Variants in SLC2A13 observed in about 807,000 individuals in gnomAD.
The protein encoded by SLC2A13 is solute carrier family 2 member 13.
In SLC2A13, 32 loss-of-function variants were observed where a neutral mutation model predicts 64.4. That is an observed-to-expected ratio of 0.50 (90% CI 0.37 to 0.67). SLC2A13 has a LOEUF of 0.67. Ranked by LOEUF, SLC2A13 falls within the 30% of genes least tolerant of loss-of-function variation. SLC2A13 has a pLI of 0.00. For missense variants in SLC2A13, 743 were observed against 829.2 expected (o/e 0.90, Z 1.28); for synonymous variants, 338 against 327.1 (o/e 1.03, Z -0.36).
At chr12:39,924,942 A>T (rs958928617) in intron 4 of SLC2A13, among the ~76,000 whole-genome samples, 1 of 151,980 alleles carries the variant, frequency 6.6e-6, no homozygotes, top group Non-Finnish European at 1.5e-5. Flanking sequence ...TTTCTTCAAC[A>T]TTTATTTATA....
intron 3 of SLC2A13, among the ~76,000 whole-genome samples, chr12:39,958,126 T>C (rs756026594): frequency 6.6e-6 from 1 of 152,196 alleles, no homozygotes; most frequent in Non-Finnish European, 1.5e-5. Flanking sequence ...TTTTGAGTGC[T>C]CCTTCTCTCT....
intron 6 of SLC2A13, among the ~76,000 whole-genome samples, chr12:39,853,666 ACAGC>A (rs1313082270): frequency 6.7e-6 from 1 of 148,574 alleles, no homozygotes; most frequent in Non-Finnish European, 1.5e-5. Flanking sequence ...TCAGACTGCT[ACAGC>A]CTGGTGTTTC....
intron 1 of SLC2A13, among the ~76,000 whole-genome samples, chr12:40,070,400 T>C (rs552377430): frequency 6.6e-6 from 1 of 152,284 alleles, no homozygotes; most frequent in East Asian, 1.9e-4. Flanking sequence ...ATCCTTCTTC[T>C]GTAAGAAGAG....
intron 3 of SLC2A13, among the ~76,000 whole-genome samples, chr12:39,995,606 A>G (rs1309632327): frequency 6.6e-6 from 1 of 152,254 alleles, no homozygotes. Context: ...ATACAAATGC[A>G]CTATCTCAAA....
At chr12:39,896,476 A>T (rs954465521) in intron 4 of SLC2A13, among the ~76,000 whole-genome samples, 1 of 143,568 alleles carries the variant, frequency 7.0e-6, no homozygotes, top group African/African-American at 2.5e-5. Context: ...ACATATATGT[A>T]TATGTGTATA....
intron 3 of SLC2A13, among the ~76,000 whole-genome samples, chr12:39,995,292 T>C (rs1175667807): frequency 6.6e-6 from 1 of 152,204 alleles, no homozygotes; most frequent in Admixed American, 6.5e-5. Context: ...TTGGGTACAT[T>C]CTAAATCTTT....
At chr12:39,911,272 T>C (rs747239812) in intron 4 of SLC2A13, among the ~76,000 whole-genome samples, 24 of 152,078 alleles carry the variant, frequency 1.6e-4, no homozygotes, top group Non-Finnish European at 3.1e-4. Flanking sequence ...TTTTAAAAAT[T>C]AATACCCACG....
chr12:39,887,050 T>G (rs559549907), intron 4 of SLC2A13, among the ~76,000 whole-genome samples: 1 of 152,300 alleles, frequency 6.6e-6, no homozygotes, highest in African/African-American at 2.4e-5. Context: ...CTCATGCAGA[T>G]TTAGAGTAAA....
At chr12:40,034,086 T>C (rs1947942582) in intron 2 of SLC2A13, among the ~76,000 whole-genome samples, 1 of 152,218 alleles carries the variant, frequency 6.6e-6, no homozygotes, top group African/African-American at 2.4e-5. Flanking sequence ...TCATTTTAAG[T>C]CAAGCTGTAA....
chr12:40,101,979 C>T (rs919564208), intron 1 of SLC2A13, among the ~76,000 whole-genome samples: 8 of 152,134 alleles, frequency 5.3e-5, no homozygotes, highest in African/African-American at 1.9e-4. Context: ...TACTAAAGCA[C>T]TAAATAAGCA....
At chr12:39,990,940 GCTCT>G (rs1190318773) in intron 3 of SLC2A13, among the ~76,000 whole-genome samples, 4 of 151,894 alleles carry the variant, frequency 2.6e-5, no homozygotes, top group African/African-American at 9.7e-5. Flanking sequence ...CATCAACGGA[GCTCT>G]CTCTCTCCCC....
intron 3 of SLC2A13, among the ~76,000 whole-genome samples, chr12:39,977,056 T>C (rs1227108706): frequency 1.3e-5 from 2 of 152,192 alleles, no homozygotes; most frequent in Non-Finnish European, 2.9e-5. Flanking sequence ...CTGGATTTCA[T>C]AGAGTTTGAC....
At chr12:40,027,698 T>C (rs1306798461) in intron 3 of SLC2A13, among the ~76,000 whole-genome samples, 3 of 152,194 alleles carry the variant, frequency 2.0e-5, no homozygotes, top group African/African-American at 7.2e-5. Context: ...TAAGACCAAT[T>C]TGGGAAATGT....
chr12:39,822,472 G>C (rs2135830304), intron 7 of SLC2A13, among the ~76,000 whole-genome samples: 1 of 152,262 alleles, frequency 6.6e-6, no homozygotes, highest in Non-Finnish European at 1.5e-5. Flanking sequence ...ATTGGCACCA[G>C]CCACGCATTT....
chr12:39,972,148 ACT>A (rs1946674224), intron 3 of SLC2A13, among the ~76,000 whole-genome samples: 1 of 81,384 alleles, frequency 1.2e-5, no homozygotes, highest in Non-Finnish European at 2.7e-5. Context: ...GATAAAATAT[ACT>A]CTTTCAGAGT....
chr12:40,084,989 G>A (rs572140759), intron 1 of SLC2A13, among the ~76,000 whole-genome samples: 2 of 152,300 alleles, frequency 1.3e-5, no homozygotes, highest in East Asian at 1.9e-4. Context: ...GTAACCAGTC[G>A]CCAATGGTTT....
At chr12:39,851,568 G>C (rs950259876) in intron 6 of SLC2A13, among the ~76,000 whole-genome samples, 4 of 152,136 alleles carry the variant, frequency 2.6e-5, no homozygotes, top group African/African-American at 9.7e-5. Context: ...ATTACTGAAG[G>C]AGCAACATTA....
intron 7 of SLC2A13, among the ~76,000 whole-genome samples, chr12:39,818,093 A>G (rs1026594768): frequency 6.6e-6 from 1 of 152,210 alleles, no homozygotes; most frequent in African/African-American, 2.4e-5. Flanking sequence ...ACTGCCAGAG[A>G]GCCCCCTTGG....
intron 4 of SLC2A13, among the ~76,000 whole-genome samples, chr12:39,879,774 T>C (rs1347376965): frequency 6.6e-6 from 1 of 152,158 alleles, no homozygotes; most frequent in Admixed American, 6.5e-5. Context: ...TGGAATGAGT[T>C]AAGACTTTGA....
Sources: gnomAD v4.1 joint callset for allele counts (sites outside exome capture counted in the v4.1 genomes callset) on GRCh38, gnomAD v4.1.1 for gene constraint, MANE v1.5 for transcripts, NCBI Gene and HGNC (gene_info 2026-07-23, HGNC 2026-07-21) for gene names.